MCM2: variants seen among roughly 807,000 people sequenced by gnomAD.
MCM2 encodes minichromosome maintenance complex component 2.
In MCM2, 49 loss-of-function variants were observed where a neutral mutation model predicts 86.4. The ratio of observed to expected loss-of-function variants is 0.57; its 90% CI spans 0.45 to 0.72. The LOEUF is 0.72. MCM2 is among the 30% of genes least tolerant of loss of function. The pLI, the probability that MCM2 is intolerant of heterozygous loss-of-function variation, is 0.00. For missense variants in MCM2, 1,038 were observed against 1,259.9 expected, an observed-to-expected ratio of 0.82 and a Z score of 2.67; for synonymous variants, 475 against 484.6, an observed-to-expected ratio of 0.98 and a Z score of 0.26.
rs749079722 is a variant in MCM2 at position 127,604,965 on chromosome 3, G to GCGAGGAGGA, written c.490_498dup (p.Asp164_Glu166dup). 39 of 1,606,750 alleles carry GCGAGGAGGA rather than the reference G, an allele frequency of 2.4e-5. No individual in the cohort carries two copies. In the African/African-American group the frequency reaches 3.7e-4, roughly 15 times the overall value. On this transcript the variant is annotated inframe_insertion, in exon 4 of 16. Transcript: ENST00000265056. ...CAGGTGGAGCGGGCCACGGAGGACG[G>GCGAGGAGGA]CGAGGAGGACGAGGAGATGATCGAG... is the stretch of plus-strand genomic sequence containing the variant.
In MCM2 at chr3:127,619,346, A is replaced by G. The variant is rs1172886539; in HGVS notation, c.2265+68A>G. ...AAGTGCAGTGTGAGCCTTCTGACCAATGCAGCGGGGGTGGTGGTCAGTCAG... is the reference window on the plus strand; with the variant it reads ...AAGTGCAGTGTGAGCCTTCTGACCAGTGCAGCGGGGGTGGTGGTCAGTCAG... On this transcript the variant is annotated intron_variant, in intron 13 of 15. Coordinates refer to ENST00000265056, the MANE Select transcript of MCM2 (RefSeq NM_004526.4). 11 of 1,551,560 alleles carry G rather than the reference A, an allele frequency of 7.1e-6. No individual in the cohort carries two copies. In the East Asian group the frequency reaches 2.0e-4, roughly 29 times the overall value.
chr3:127,604,414 C>T lies in MCM2; in HGVS notation c.237-194C>T, dbSNP rs988134652. ...TCTATTTTAAGGCTTCATCGTCCAT[C>T]ATATGGACAGATCGTGTTTTGTTCA... On this transcript the variant is annotated intron_variant, in intron 2 of 15. Transcript: ENST00000265056. 20 of 595,976 alleles carry T rather than the reference C, an allele frequency of 3.4e-5. No individual in the cohort carries two copies. The Admixed American group carries it at 5.0e-4, about 15-fold the overall frequency. 36.9% of individuals were successfully genotyped at this position (595,976 alleles called of 1,614,324 possible). A position where few individuals can be genotyped will look rare whatever the true frequency, so the allele number is the denominator to read the frequency against.
At chr3:127,612,349 T>C (rs989321573) in intron 8 of MCM2, among the ~76,000 whole-genome samples, 1 of 152,240 alleles carries the variant, frequency 6.6e-6, no homozygotes, top group Non-Finnish European at 1.5e-5. Flanking sequence ...AGCCAGACTT[T>C]TTAGGTTTGA....
At position 127,617,452 on chromosome 3, in the gene MCM2, G is replaced by A. The variant is rs2074442238; in HGVS notation, c.1900+47G>A. 1 of 1,574,634 alleles carries A rather than the reference G, an allele frequency of 6.4e-7. No homozygotes were observed. The highest frequency in any genetic ancestry group is 1.2e-5 in the South Asian group (1 of 86,928). On this transcript the variant is annotated intron_variant, in intron 11 of 15. Transcript: ENST00000265056. The surrounding 1 kb of genome is among the most constrained non-coding windows in gnomAD (Gnocchi z 4.1). ...CTGGGGCTGGGGTGGGACACAGGGA[G>A]GTCCCGCCTGCTTGAATTGGGAGCC...
At position 127,618,354 on chromosome 3, in the gene MCM2, T is replaced by A. The variant is rs866086389; in HGVS notation, c.2013+273T>A. On this transcript the variant is annotated intron_variant, in intron 12 of 15. Transcript: ENST00000265056. This position sits in a 1 kb window ranked among gnomAD's most constrained non-coding sequence, Gnocchi z 4.0. Reference sequence around the variant, plus strand: ...CCTACCCACCTCCCTCACTTCTGCCTCTGACTTGAGGCACTACCATCATCT... The same window carrying A: ...CCTACCCACCTCCCTCACTTCTGCCACTGACTTGAGGCACTACCATCATCT... Among the ~76,000 whole-genome samples the A allele has an allele frequency of 1.3e-5, 2 of 152,110 alleles. No individual in the cohort carries two copies. Among genetic ancestry groups the A allele is most frequent in the Admixed American group, 6.5e-5 (1 of 15,272 alleles).
chr3:127,607,101 C>T (rs894407409), intron 6 of MCM2, among the ~76,000 whole-genome samples: 1 of 152,218 alleles, frequency 6.6e-6, no homozygotes, highest in Non-Finnish European at 1.5e-5. Flanking sequence ...ATCTGGCAAA[C>T]AGGGCCCACT....
intron 2 of MCM2, among the ~76,000 whole-genome samples, chr3:127,603,167 AT>A (rs1419552643): frequency 6.6e-6 from 1 of 150,618 alleles, no homozygotes; most frequent in Admixed American, 6.6e-5. Flanking sequence ...CGCCCAAGTA[AT>A]TTTTGTATTT....
chr3:127,609,060 T>C, intron 8 of MCM2, 37 bp downstream of exon 8: 1 of 1,604,368 alleles, frequency 6.2e-7, no homozygotes, highest in Non-Finnish European at 8.5e-7. Context: ...GTCAGGATGC[T>C]GTGAGAGGAT....
rs1183303134 is a variant in MCM2, at chr3:127,599,400, G to A, written c.89G>A (p.Arg30Gln). Residue 30 changes from arginine to glutamine, a missense_variant, in exon 2 of 16, where the codon CGA (arginine) becomes CAA (glutamine). Coordinates refer to ENST00000265056, the MANE Select transcript of MCM2 (RefSeq NM_004526.4). ...GATCCTCTCACCTCCAGCCCTGGCCGAAGCTCCCGGCGTACTGATGCCCTC... is the reference window on the plus strand; with the variant it reads ...GATCCTCTCACCTCCAGCCCTGGCCAAAGCTCCCGGCGTACTGATGCCCTC... ...GNDPLTSSPG[R>Q]SSRRTDALTS... is the part of the protein sequence containing the mutation. 2 of 1,614,082 alleles carry A rather than the reference G, an allele frequency of 1.2e-6. No homozygotes were observed. Among genetic ancestry groups the A allele is most frequent in the Non-Finnish European group, 1.7e-6 (2 of 1,180,014 alleles).
At chr3:127,601,479 G>A (rs916102067) in intron 2 of MCM2, among the ~76,000 whole-genome samples, 3 of 152,254 alleles carry the variant, frequency 2.0e-5, no homozygotes, top group Admixed American at 1.3e-4. Context: ...TCCTGCCTCA[G>A]CCTCCCAAGT....
Position 127,619,034 on chromosome 3 carries a change from T to C in MCM2, c.2021T>C (p.Met674Thr), listed in dbSNP as rs142652347. The C allele has an allele frequency of 6.3e-7, 1 of 1,599,044 alleles. No individual in the cohort carries two copies. Among genetic ancestry groups the C allele is most frequent in the Non-Finnish European group, 8.5e-7 (1 of 1,170,332 alleles). ...RDTVDPVQDE[M>T]LARFVVGSHV... ...TCTCATGGCTTATCTTAGGACGAGA[T>C]GCTGGCCCGCTTCGTGGTGGGCAGC... Residue 674 changes from methionine (M) to threonine (T), a missense_variant, in exon 13 of 16, where the codon ATG becomes ACG. By Grantham distance (81) the Met-to-Thr change is moderately conservative (BLOSUM62 -1). Around this residue, in one of 4 missense-constraint regions of MCM2, gnomAD observed 336 missense variants for 425.7 expected, o/e 0.79. Coordinates refer to ENST00000265056, the MANE Select transcript of MCM2 (RefSeq NM_004526.4).
At chr3:127,611,035 G>T in intron 8 of MCM2, 1 of 445,046 alleles carries the variant, frequency 2.2e-6, no homozygotes, top group Non-Finnish European at 4.6e-6. Context: ...ATTTTACTAG[G>T]GTTCCCAATA....
chr3:127,617,322 A>T lies in MCM2; in HGVS notation c.1817A>T (p.Gln606Leu), dbSNP rs767850681. Reference protein sequence around the residue: ...DRTSIHEAMEQQSISISKAGI... With the variant: ...DRTSIHEAMELQSISISKAGI... ...ACCAGCATCCATGAGGCCATGGAGCAACAGAGCATCTCCATCTCGAAGGCT... is the reference window on the plus strand; with the variant it reads ...ACCAGCATCCATGAGGCCATGGAGCTACAGAGCATCTCCATCTCGAAGGCT... Residue 606 changes from glutamine to leucine, a missense_variant, in exon 11 of 16, where the codon CAA (glutamine) becomes CTA (leucine). By Grantham distance (113) the Gln-to-Leu change is moderately radical (BLOSUM62 -2). This residue lies in a region of MCM2 where 336 missense variants were observed against 425.7 expected (regional missense o/e 0.79). Coordinates refer to ENST00000265056, the MANE Select transcript of MCM2 (RefSeq NM_004526.4). This position sits in a 1 kb window ranked among gnomAD's most constrained non-coding sequence, Gnocchi z 4.1. 1 of 1,614,152 alleles carries T rather than the reference A, an allele frequency of 6.2e-7. No individual in the cohort carries two copies. The highest frequency in any genetic ancestry group is 2.2e-5 in the East Asian group (1 of 44,880).
intron 1 of MCM2, among the ~76,000 whole-genome samples, chr3:127,598,676 C>T (rs2074277158): frequency 6.6e-6 from 1 of 152,178 alleles, no homozygotes; most frequent in Admixed American, 6.5e-5. Flanking sequence ...CTCCCTAAGG[C>T]GAGCTCGGCC....
intron 8 of MCM2, among the ~76,000 whole-genome samples, chr3:127,614,903 C>T (rs146074715): frequency 2.0e-5 from 3 of 152,328 alleles, no homozygotes; most frequent in African/African-American, 7.2e-5. Flanking sequence ...TTCTCTTGTA[C>T]ATTTCCAGCC....
rs6794323 is a variant in MCM2 at position 127,621,740 on chromosome 3, C to T, written c.2682C>T (p.Asp894=). ...ELFRMNKFSH[D]LKRKMILQQF The stretch of plus-strand genomic sequence containing the variant: ...TCAGGATGAACAAGTTCAGCCACGA[C>T]CTGAAAAGGAAAATGATCCTGCAGC... Residue 894 remains aspartate (D), a synonymous_variant, in exon 16 of 16, where the codon GAC becomes GAT. Coordinates refer to ENST00000265056, the MANE Select transcript of MCM2 (RefSeq NM_004526.4). The T allele has an allele frequency of 9.7e-3, 15,636 of 1,613,966 alleles. 1,228 individuals are homozygous for T. The African/African-American group carries it at 0.18, about 18-fold the overall frequency.
At chr3:127,608,222 A>G (rs1452407116) in intron 6 of MCM2, among the ~76,000 whole-genome samples, 160 bp from the exon 7 acceptor site, 1 of 152,174 alleles carries the variant, frequency 6.6e-6, no homozygotes, top group African/African-American at 2.4e-5. Context: ...GGGACTGTCA[A>G]CTGATGTGCT....
Position 127,619,071 on chromosome 3 carries a change from C to T in MCM2, c.2058C>T (p.His686=). The change falls in exon 13 of 16, where the codon CAC becomes CAT. Residue 686 remains histidine, a synonymous_variant. Transcript: ENST00000265056. ...TCGTGGTGGGCAGCCACGTCAGACA[C>T]CACCCCAGCAACAAGGAGGAGGAGG... ...ARFVVGSHVR[H]HPSNKEEEGL... 6.2e-7 allele frequency: 1 copy of T among 1,611,778 alleles called. No individual in the cohort carries two copies. The highest frequency in any genetic ancestry group is 2.2e-5 in the East Asian group (1 of 44,776).
intron 2 of MCM2, among the ~76,000 whole-genome samples, chr3:127,602,634 C>T (rs2074313792): frequency 6.6e-6 from 1 of 152,218 alleles, no homozygotes; most frequent in Admixed American, 6.5e-5. Flanking sequence ...GAGCACAGTG[C>T]TTTGCACTCG....
Sources: gnomAD v4.1 joint callset for allele counts (sites outside exome capture counted in the v4.1 genomes callset) on GRCh38, gnomAD v4.1.1 for gene constraint, gnomAD v4.1.1 regional missense constraint, Gnocchi (gnomAD v3.1) non-coding constraint, MANE v1.5 for transcripts, NCBI Gene and HGNC (gene_info 2026-07-23, HGNC 2026-07-21) for gene names.